Variants in SLC22A3 observed in about 807,000 individuals in gnomAD.
SLC22A3 encodes solute carrier family 22 member 3.
A neutral mutation model predicts 59.1 loss-of-function variants in SLC22A3; 51 were observed. That is an observed-to-expected ratio of 0.86 (90% CI 0.69 to 1.09). The LOEUF (loss-of-function observed/expected upper bound fraction) is 1.09, where lower values mean the gene tolerates loss of function less well. Among genes scored for constraint, SLC22A3 ranks in the 50% least tolerant of loss-of-function variants. The pLI, the probability that SLC22A3 is intolerant of heterozygous loss-of-function variation, is 0.00. For synonymous variants in SLC22A3, 325 were observed against 292.0 expected (o/e 1.11, Z -1.15); for missense variants, 711 against 726.3 (o/e 0.98, Z 0.24).
chr6:160,355,781 A>AT (rs1562465675), intron 1 of SLC22A3, among the ~76,000 whole-genome samples: 2 of 135,366 alleles, frequency 1.5e-5, no homozygotes, highest in African/African-American at 5.3e-5. Flanking sequence ...CAAAACAACA[A>AT]CAACAACAAC....
At chr6:160,390,429 T>C (rs539940439) in intron 1 of SLC22A3, among the ~76,000 whole-genome samples, 4 of 152,016 alleles carry the variant, frequency 2.6e-5, no homozygotes, top group African/African-American at 9.7e-5. Flanking sequence ...ATGGAGGGGG[T>C]TGGGCTCCCT....
intron 1 of SLC22A3, among the ~76,000 whole-genome samples, chr6:160,372,827 G>C (rs918967348): frequency 6.6e-6 from 1 of 152,152 alleles, no homozygotes; most frequent in Admixed American, 6.5e-5. Context: ...AAGTTCTCAT[G>C]CTGTGTTTTT....
chr6:160,383,736 C>T (rs1192853438), intron 1 of SLC22A3, among the ~76,000 whole-genome samples: 1 of 152,072 alleles, frequency 6.6e-6, no homozygotes, highest in Non-Finnish European at 1.5e-5. Context: ...CCCTCCTTAT[C>T]CATGGGGTCT....
intron 2 of SLC22A3, among the ~76,000 whole-genome samples, chr6:160,401,239 G>A (rs1468566235): frequency 6.6e-6 from 1 of 151,932 alleles, no homozygotes; most frequent in African/African-American, 2.4e-5. Context: ...ACATAAAAAA[G>A]TATACCTAGT....
chr6:160,403,844 GTATT>G lies in SLC22A3; in HGVS notation c.534-3195_534-3192del, dbSNP rs536517147. Among the ~76,000 whole-genome samples, 27 of 151,966 alleles carry G rather than the reference GTATT, an allele frequency of 1.8e-4. No individual in the cohort carries two copies. In the South Asian group the frequency reaches 2.3e-3, roughly 13 times the overall value. Reference sequence around the variant, plus strand: ...GATCATATCAATAGATACAGACAAAGTATTTGTCAAAATCCAACATCTATATATG... The same window carrying G: ...GATCATATCAATAGATACAGACAAAGTGTCAAAATCCAACATCTATATATG... On this transcript the variant is annotated intron_variant, in intron 2 of 10. Transcript: ENST00000275300.
At chr6:160,365,711 A>T (rs1393018725) in intron 1 of SLC22A3, among the ~76,000 whole-genome samples, 2 of 152,208 alleles carry the variant, frequency 1.3e-5, no homozygotes, top group Non-Finnish European at 2.9e-5. Flanking sequence ...ACTCACTGAC[A>T]TGGTGTATTA....
At chr6:160,393,999 A>G (rs541209285) in intron 1 of SLC22A3, among the ~76,000 whole-genome samples, 3 of 152,386 alleles carry the variant, frequency 2.0e-5, no homozygotes, top group Non-Finnish European at 4.4e-5. Flanking sequence ...TGAGTCTTTT[A>G]TCAGACTGAC....
intron 5 of SLC22A3, among the ~76,000 whole-genome samples, chr6:160,413,991 T>C (rs1003491713): frequency 4.6e-5 from 7 of 152,242 alleles, no homozygotes; most frequent in African/African-American, 1.7e-4. Context: ...GGGGTTTTTC[T>C]CCTGAAGAAT....
At chr6:160,386,945 A>T (rs1786044419) in intron 1 of SLC22A3, among the ~76,000 whole-genome samples, 1 of 152,182 alleles carries the variant, frequency 6.6e-6, no homozygotes, top group Non-Finnish European at 1.5e-5. Flanking sequence ...ACTGTCATGC[A>T]GCCACCAGGA....
At chr6:160,409,374 G>A (rs1482721385) in intron 4 of SLC22A3, among the ~76,000 whole-genome samples, 7 of 116,558 alleles carry the variant, frequency 6.0e-5, no homozygotes, top group Non-Finnish European at 1.0e-4. Flanking sequence ...TGGCTGCATA[G>A]TATTCCATGG....
At chr6:160,402,216 T>C (rs1786812413) in intron 2 of SLC22A3, among the ~76,000 whole-genome samples, 1 of 151,840 alleles carries the variant, frequency 6.6e-6, no homozygotes, top group South Asian at 2.1e-4. Flanking sequence ...ATAGCAGTAA[T>C]CAAAGTAAAG....
rs1787952932 is a variant in SLC22A3 at position 160,426,359 on chromosome 6, G to T, written c.976-10421G>T. The T allele has an allele frequency of 6.1e-6, 6 of 985,296 alleles. No homozygotes were observed. In the South Asian group the frequency reaches 1.9e-4, roughly 31 times the overall value. The allele number at this position is 985,296 out of a possible 1,614,324, so 61.0% of individuals were successfully genotyped here. A position where few individuals can be genotyped will look rare whatever the true frequency, so the allele number is the denominator to read the frequency against. ...GTTCTTGTTTTTTGAGGGGTGCAGA[G>T]TTGGGTTACTTAAGACTCTGTGCAT... On this transcript the variant is annotated intron_variant, in intron 5 of 10. Transcript: ENST00000275300.
intron 7 of SLC22A3, among the ~76,000 whole-genome samples, chr6:160,439,065 CATATT>C (rs1202207659): frequency 6.6e-6 from 1 of 152,088 alleles, no homozygotes; most frequent in Non-Finnish European, 1.5e-5. Flanking sequence ...ATGGAATTAA[CATATT>C]ATAAGAGTTG....
chr6:160,398,454 T>C (rs2114834309), intron 2 of SLC22A3, among the ~76,000 whole-genome samples: 1 of 152,374 alleles, frequency 6.6e-6, no homozygotes, highest in South Asian at 2.1e-4. Context: ...GTTTTATTAA[T>C]TTAGTCATAA....
At chr6:160,371,344 C>A (rs537662359) in intron 1 of SLC22A3, among the ~76,000 whole-genome samples, 10 of 152,208 alleles carry the variant, frequency 6.6e-5, no homozygotes, top group Non-Finnish European at 1.5e-4. Flanking sequence ...TACCCTACCC[C>A]CTGACAGGCC....
intron 5 of SLC22A3, among the ~76,000 whole-genome samples, chr6:160,432,392 A>G (rs1788181924): frequency 6.6e-6 from 1 of 151,886 alleles, no homozygotes; most frequent in African/African-American, 2.4e-5. Context: ...TGACTTTAAA[A>G]GTGAGCTTTT....
At chr6:160,360,535 C>G (rs1784979517) in intron 1 of SLC22A3, among the ~76,000 whole-genome samples, 1 of 152,156 alleles carries the variant, frequency 6.6e-6, no homozygotes, top group Non-Finnish European at 1.5e-5. Flanking sequence ...CTCAGTTTCT[C>G]TTTATTAAAC....
In SLC22A3 at chr6:160,367,428, A is replaced by G. The variant is rs1785244466; in HGVS notation, c.429+18580A>G. On this transcript the variant is annotated intron_variant, in intron 1 of 10. Transcript: ENST00000275300. ...ATGAGATTTGGGTGGACACAGCAAA[A>G]CCATATCACGTGGTTTCTTTTACTG... Among the ~76,000 whole-genome samples the G allele has an allele frequency of 2.6e-5, 4 of 152,238 alleles. No individual in the cohort carries two copies. In the South Asian group the frequency reaches 8.3e-4, roughly 32 times the overall value.
chr6:160,374,512 T>A (rs1171945164), intron 1 of SLC22A3, among the ~76,000 whole-genome samples: 2 of 152,248 alleles, frequency 1.3e-5, no homozygotes, highest in African/African-American at 4.8e-5. Flanking sequence ...ATGAATGAAC[T>A]GTTTTTTCAC....
Sources: gnomAD v4.1 joint callset for allele counts (sites outside exome capture counted in the v4.1 genomes callset) on GRCh38, gnomAD v4.1.1 for gene constraint, MANE v1.5 for transcripts, NCBI Gene and HGNC (gene_info 2026-07-23, HGNC 2026-07-21) for gene names.